The following EPB41L3 variants were observed in gnomAD, a reference collection of about 807,000 sequenced individuals.
EPB41L3 encodes erythrocyte membrane protein band 4.1 like 3, also known as band 4.1-like protein 3.
In EPB41L3, 57 loss-of-function variants were observed where a neutral mutation model predicts 127.1. The observed-to-expected ratio is 0.45, with a 90% CI of 0.36 to 0.56. The LOEUF (loss-of-function observed/expected upper bound fraction) is 0.56. EPB41L3 is among the 20% of genes least tolerant of loss of function. The pLI is 0.00. For synonymous variants in EPB41L3, 572 were observed against 549.5 expected (o/e 1.04, Z -0.57); for missense variants, 1,273 against 1,372.2 (o/e 0.93, Z 1.14).
At chr18:5,444,012 T>G in intron 4 of EPB41L3, 132 bp from the exon 5 acceptor site, 1 of 698,544 alleles carries the variant, frequency 1.4e-6, no homozygotes, top group Non-Finnish European at 2.4e-6. Context: ...ACTGTGGTCC[T>G]TCCCCCACAT....
chr18:5,565,918 T>A (rs2094192920), intron 3 of EPB41L3, among the ~76,000 whole-genome samples: 1 of 152,024 alleles, frequency 6.6e-6, no homozygotes, highest in African/African-American at 2.4e-5. Context: ...TCAACAGAAC[T>A]TCATGCTAAA....
At chr18:5,610,039 A>T (rs1470589158) in intron 3 of EPB41L3, 3 of 943,848 alleles carry the variant, frequency 3.2e-6, no homozygotes, top group Non-Finnish European at 2.5e-6. Flanking sequence ...GCTCACAGGC[A>T]CTGGGATGCT....
chr18:5,574,769 T>C (rs1035032457), intron 3 of EPB41L3, among the ~76,000 whole-genome samples: 1 of 152,224 alleles, frequency 6.6e-6, no homozygotes, highest in Non-Finnish European at 1.5e-5. Flanking sequence ...ATGACTATTC[T>C]GGGAGAGGAC....
At chr18:5,559,383 G>T (rs1489725989) in intron 3 of EPB41L3, among the ~76,000 whole-genome samples, 1 of 152,096 alleles carries the variant, frequency 6.6e-6, no homozygotes, top group Non-Finnish European at 1.5e-5. Flanking sequence ...GCCTTGCAAG[G>T]ACAGAGAAAT....
At chr18:5,400,420 G>A (rs1030199925) in intron 16 of EPB41L3, 16 of 391,524 alleles carry the variant, frequency 4.1e-5, no homozygotes, top group African/African-American at 2.6e-4. Context: ...CTAGAAATAC[G>A]TGTGCCTTTA....
intron 8 of EPB41L3, among the ~76,000 whole-genome samples, chr18:5,428,733 C>A (rs1199189846): frequency 6.6e-6 from 1 of 152,170 alleles, no homozygotes; most frequent in East Asian, 1.9e-4. Flanking sequence ...GGGCCCAGCT[C>A]ATGAAGGTAT....
chr18:5,588,884 A>G (rs2094462132), intron 3 of EPB41L3, among the ~76,000 whole-genome samples: 2 of 152,176 alleles, frequency 1.3e-5, no homozygotes, highest in Admixed American at 6.6e-5. Flanking sequence ...TCTGAAGACA[A>G]TAAAGAGTAG....
intron 3 of EPB41L3, among the ~76,000 whole-genome samples, chr18:5,448,740 A>G (rs563902957): frequency 2.0e-5 from 3 of 152,202 alleles, no homozygotes; most frequent in Non-Finnish European, 4.4e-5. Flanking sequence ...TATACTATTC[A>G]GTATGATATC....
intron 3 of EPB41L3, among the ~76,000 whole-genome samples, chr18:5,458,963 T>C (rs894763443): frequency 6.6e-6 from 1 of 152,164 alleles, no homozygotes; most frequent in Non-Finnish European, 1.5e-5. Flanking sequence ...GGATCTTGAG[T>C]ATGCCTTTGT....
At chr18:5,608,459 C>T (rs2094688310) in intron 3 of EPB41L3, among the ~76,000 whole-genome samples, 1 of 152,156 alleles carries the variant, frequency 6.6e-6, no homozygotes, top group African/African-American at 2.4e-5. Flanking sequence ...TACACTGCAA[C>T]AGAGTTGGGG....
upstream of EPB41L3, among the ~76,000 whole-genome samples, chr18:5,548,007 G>C (rs936774535): frequency 6.6e-6 from 1 of 152,158 alleles, no homozygotes; most frequent in Admixed American, 6.5e-5. Flanking sequence ...CACCCTAATA[G>C]ACATTCACAC....
chr18:5,499,736 A>C (rs1246711983), intron 1 of EPB41L3, among the ~76,000 whole-genome samples: 1 of 151,710 alleles, frequency 6.6e-6, no homozygotes, highest in Non-Finnish European at 1.5e-5. Context: ...CACTGCACTC[A>C]AGCCTGGGCG....
intron 13 of EPB41L3, among the ~76,000 whole-genome samples, chr18:5,412,770 T>C (rs575138528): frequency 6.6e-6 from 1 of 151,756 alleles, no homozygotes; most frequent in Admixed American, 6.6e-5. Context: ...CATATTTTAA[T>C]CTCAGTTTCC....
upstream of EPB41L3, among the ~76,000 whole-genome samples, chr18:5,545,768 TTC>T (rs1234982498): frequency 3.9e-5 from 6 of 152,164 alleles, no homozygotes; most frequent in Non-Finnish European, 5.9e-5. Flanking sequence ...AAGGTGACAG[TTC>T]CAATAGTGGA....
At chr18:5,560,468 C>G (rs2094108885) in intron 3 of EPB41L3, among the ~76,000 whole-genome samples, 2 of 152,100 alleles carry the variant, frequency 1.3e-5, no homozygotes, top group South Asian at 4.1e-4. Context: ...TTAATTTTAA[C>G]TTTTTCAAAC....
At chr18:5,417,450 C>CA (rs2076965557) in intron 12 of EPB41L3, among the ~76,000 whole-genome samples, 1 of 152,092 alleles carries the variant, frequency 6.6e-6, no homozygotes, top group Non-Finnish European at 1.5e-5. Flanking sequence ...ACGCAAGCCC[C>CA]AAGCAGGACC....
At chr18:5,407,029 CTT>C (rs1419443332) in intron 15 of EPB41L3, 61 bp from the exon 16 acceptor site, 1 of 1,490,618 alleles carries the variant, frequency 6.7e-7, no homozygotes, top group African/African-American at 1.4e-5. Flanking sequence ...CCTTTCAGCT[CTT>C]TTGTTTGCTT....
intron 16 of EPB41L3, chr18:5,398,458 A>C (rs2073956324): frequency 4.6e-6 from 2 of 437,230 alleles, no homozygotes; most frequent in Non-Finnish European, 8.0e-6. Context: ...AATAAAATGG[A>C]AAGTGTTTTA....
At chr18:5,560,749 CT>C (rs1205616093) in intron 3 of EPB41L3, among the ~76,000 whole-genome samples, 1 of 152,018 alleles carries the variant, frequency 6.6e-6, no homozygotes, top group Non-Finnish European at 1.5e-5. Context: ...ATTCCATACT[CT>C]ACCTGGTAAC....
Sources: gnomAD v4.1 joint callset for allele counts (sites outside exome capture counted in the v4.1 genomes callset) on GRCh38, gnomAD v4.1.1 for gene constraint, MANE v1.5 for transcripts, NCBI Gene and HGNC (gene_info 2026-07-23, HGNC 2026-07-21) for gene names.